Variants in CDH8 observed in about 807,000 individuals in gnomAD.
CDH8 encodes the protein cadherin-8.
CDH8 carries 17 observed loss-of-function variants against 68.1 expected under a neutral mutation model. The ratio of observed to expected loss-of-function variants is 0.25; its 90% CI spans 0.17 to 0.37. CDH8 has a LOEUF of 0.37. Ranked by LOEUF, CDH8 falls within the 10% of genes least tolerant of loss-of-function variation. The probability of loss-of-function intolerance (pLI) is 1.00; values close to 1 mark genes in which losing one functional copy is unlikely to be tolerated. For missense variants in CDH8, 763 were observed against 999.3 expected (o/e 0.76, Z 3.19); for synonymous variants, 372 against 365.1 (o/e 1.02, Z -0.21).
intron 2 of CDH8, chr16:61,918,831 G>A (rs1384185602): frequency 2.0e-5 from 3 of 151,462 alleles, no homozygotes; most frequent in Non-Finnish European, 2.9e-5. Context: ...AAGGAGGCCT[G>A]CCTGCCTCTG....
At chr16:61,804,393 A>G (rs1282292717) in intron 7 of CDH8, among the ~76,000 whole-genome samples, 1 of 152,122 alleles carries the variant, frequency 6.6e-6, no homozygotes, top group Non-Finnish European at 1.5e-5. Context: ...ACACCCTAAC[A>G]TCACAATTAA....
At chr16:61,999,325 G>T (rs1335188276) in intron 2 of CDH8, among the ~76,000 whole-genome samples, 1 of 152,116 alleles carries the variant, frequency 6.6e-6, no homozygotes, top group African/African-American at 2.4e-5. Context: ...CACTAATTTT[G>T]CTAGGGTTTC....
chr16:61,935,833 G>A (rs1483332839), intron 2 of CDH8, among the ~76,000 whole-genome samples: 1 of 152,088 alleles, frequency 6.6e-6, no homozygotes, highest in Non-Finnish European at 1.5e-5. Context: ...GCCTGTTTAG[G>A]AGTCAGTGTG....
chr16:61,882,002 G>A (rs745973876), intron 3 of CDH8, among the ~76,000 whole-genome samples: 10 of 152,166 alleles, frequency 6.6e-5, no homozygotes, highest in South Asian at 2.1e-4. Context: ...AAGCACTATC[G>A]AGTTATCTAA....
At chr16:61,726,850 A>G (rs1426424712) in intron 9 of CDH8, 6 of 501,878 alleles carry the variant, frequency 1.2e-5, no homozygotes, top group Non-Finnish European at 2.1e-5. Context: ...TAAGACAGTG[A>G]TTTGGCTCTG....
intron 8 of CDH8, among the ~76,000 whole-genome samples, chr16:61,741,022 A>G (rs1016470103): frequency 1.3e-5 from 2 of 152,208 alleles, no homozygotes; most frequent in Non-Finnish European, 2.9e-5. Context: ...ACTAAAGATC[A>G]AGCTGCTGCA....
chr16:61,870,094 A>C (rs1963328437), intron 3 of CDH8, among the ~76,000 whole-genome samples: 1 of 152,230 alleles, frequency 6.6e-6, no homozygotes. Context: ...TCATTGATTT[A>C]GCAGTCTCAC....
intron 10 of CDH8, among the ~76,000 whole-genome samples, chr16:61,687,621 A>G (rs1964135360): frequency 6.6e-6 from 1 of 152,020 alleles, no homozygotes; most frequent in Admixed American, 6.6e-5. Flanking sequence ...GCCAGAAGTA[A>G]TTATCCTAAT....
At chr16:61,836,634 G>A (rs542496210) in intron 4 of CDH8, among the ~76,000 whole-genome samples, 3 of 151,926 alleles carry the variant, frequency 2.0e-5, no homozygotes, top group Non-Finnish European at 2.9e-5. Flanking sequence ...CTTTGGCCAG[G>A]GAGGGAGTGT....
At chr16:61,846,502 G>T (rs1962809104) in intron 4 of CDH8, among the ~76,000 whole-genome samples, 1 of 152,048 alleles carries the variant, frequency 6.6e-6, no homozygotes, top group African/African-American at 2.4e-5. Flanking sequence ...GAGCATCAAG[G>T]TGTTTAGAGT....
At position 61,655,562 on chromosome 16, in the gene CDH8, A is replaced by C; in HGVS notation, c.1814T>G (p.Val605Gly). The change falls in exon 11 of 12, where the codon GTC becomes GGC. Residue 605 changes from valine to glycine, a missense_variant. Physicochemically the swap from Val to Gly is moderately radical, Grantham distance 109. This residue lies in a region of CDH8 where 397 missense variants were observed against 436.2 expected (regional missense o/e 0.91). Coordinates refer to ENST00000577390, the MANE Select transcript of CDH8 (RefSeq NM_001796.5). ...RVCGCSNDGV[V>G]QSCNVEAYVL... ...ATAAGCTTCGACATTGCAAGACTGG[A>C]CGACACCGTCATTGCTGCAGCCACA... is the stretch of plus-strand genomic sequence containing the variant. The C allele has an allele frequency of 6.2e-7, 1 of 1,614,120 alleles. No individual in the cohort carries two copies. Among genetic ancestry groups the C allele is most frequent in the Non-Finnish European group, 8.5e-7 (1 of 1,180,024 alleles).
rs180730278 is a variant in CDH8 at position 61,682,334 on chromosome 16, T to G, written c.1655-26613A>C. Among the ~76,000 whole-genome samples the G allele has an allele frequency of 3.0e-3, 451 of 152,070 alleles. 1 individual carries two copies. The highest frequency in any genetic ancestry group is 0.011 in the African/African-American group (439 of 41,532). Reference sequence around the variant, plus strand: ...ATTTGAAATGAAAAATATAGAAATCTAAGAAGATGTGAAACTGGTTTCAAA... The same window carrying G: ...ATTTGAAATGAAAAATATAGAAATCGAAGAAGATGTGAAACTGGTTTCAAA... On this transcript the variant is annotated intron_variant, in intron 10 of 11. Transcript: ENST00000577390.
chr16:61,960,236 TAC>T (rs1397859163), intron 2 of CDH8, among the ~76,000 whole-genome samples: 1 of 89,930 alleles, frequency 1.1e-5, no homozygotes, highest in Non-Finnish European at 2.1e-5. Flanking sequence ...CACACATATA[TAC>T]ATGTGTGTGT....
chr16:62,020,935 G>C (rs1175143064), intron 2 of CDH8, among the ~76,000 whole-genome samples: 3 of 150,886 alleles, frequency 2.0e-5, no homozygotes, highest in African/African-American at 7.3e-5. Flanking sequence ...CTGATAGCCG[G>C]GTGGAAGAGG....
At chr16:61,758,290 C>T (rs1013284961) in intron 8 of CDH8, among the ~76,000 whole-genome samples, 3 of 152,096 alleles carry the variant, frequency 2.0e-5, no homozygotes, top group African/African-American at 7.2e-5. Flanking sequence ...TAAAGAGATT[C>T]AAGGAAGAGG....
chr16:61,997,803 A>G (rs990623164), intron 2 of CDH8, among the ~76,000 whole-genome samples: 3 of 152,198 alleles, frequency 2.0e-5, no homozygotes, highest in African/African-American at 7.2e-5. Flanking sequence ...TCACAAGGGA[A>G]TATCAGATGC....
intron 8 of CDH8, among the ~76,000 whole-genome samples, chr16:61,768,384 C>CCCTT (rs1960680689): frequency 1.4e-4 from 13 of 91,410 alleles, no homozygotes; most frequent in East Asian, 2.8e-4. Flanking sequence ...CTCTCTCTCT[C>CCCTT]TCTCTCTCTC....
At chr16:61,982,792 A>C (rs917474217) in intron 2 of CDH8, among the ~76,000 whole-genome samples, 35 of 152,224 alleles carry the variant, frequency 2.3e-4, no homozygotes, top group African/African-American at 8.4e-4. Context: ...TGAAACAAGA[A>C]TTTCAGACAC....
At chr16:61,776,992 A>G (rs1328457712) in intron 8 of CDH8, among the ~76,000 whole-genome samples, 1 of 152,154 alleles carries the variant, frequency 6.6e-6, no homozygotes, top group Non-Finnish European at 1.5e-5. Flanking sequence ...AGATAGCAAA[A>G]CTAAGCCACC....
Sources: gnomAD v4.1 joint callset for allele counts (sites outside exome capture counted in the v4.1 genomes callset) on GRCh38, gnomAD v4.1.1 for gene constraint, gnomAD v4.1.1 regional missense constraint, MANE v1.5 for transcripts, NCBI Gene and HGNC (gene_info 2026-07-23, HGNC 2026-07-21) for gene names.